The following KCNQ1 variants were observed in gnomAD, a reference collection of about 807,000 sequenced individuals.
The protein encoded by KCNQ1 is potassium voltage-gated channel subfamily Q member 1, also known as potassium voltage-gated channel subfamily KQT member 1.
In KCNQ1, 49 loss-of-function variants were observed where a neutral mutation model predicts 72.4. That is an observed-to-expected ratio of 0.68 (90% confidence interval 0.54 to 0.86). The LOEUF is 0.86. KCNQ1 is among the 40% of genes least tolerant of loss of function. The pLI is 0.00. For synonymous variants in KCNQ1, 450 were observed against 412.6 expected, an observed-to-expected ratio of 1.09 and a Z score of -1.10; for missense variants, 790 against 945.1, an observed-to-expected ratio of 0.84 and a Z score of 2.15.
chr11:2,720,712 G>A lies in KCNQ1; in HGVS notation c.1515-48132G>A, dbSNP rs192683748. 2.0e-5 allele frequency among the ~76,000 whole-genome samples: 3 copies of A among 152,272 alleles called. No individual in the cohort carries two copies. Among genetic ancestry groups the A allele is most frequent in the Admixed American group, 6.5e-5 (1 of 15,304 alleles). ...CAGCCCCTTCCCCCTTTTGCAGGGC[G>A]GCTCCCAGAACCTAGGAGTCCATGC... is the stretch of plus-strand genomic sequence containing the variant. On this transcript the variant is annotated intron_variant, in intron 11 of 15. Transcript: ENST00000155840. This position sits in a 1 kb window ranked among gnomAD's most constrained non-coding sequence, Gnocchi z 5.1.
chr11:2,802,785 T>G (rs1192629756), intron 15 of KCNQ1, among the ~76,000 whole-genome samples: 1 of 152,142 alleles, frequency 6.6e-6, no homozygotes, highest in Non-Finnish European at 1.5e-5. Context: ...CACTGCATGC[T>G]CCCAGCCCTT....
rs1849917273 is a variant in KCNQ1 at position 2,659,760 on chromosome 11, G to C, written c.1394-2201G>C. Reference sequence around the variant, plus strand: ...TGTTCCACATCCTCAAGAGTGGTTGGTATTGTCAGGTTTTGAATTTTTTTT... The same window carrying C: ...TGTTCCACATCCTCAAGAGTGGTTGCTATTGTCAGGTTTTGAATTTTTTTT... On this transcript the variant is annotated intron_variant, in intron 10 of 15. Coordinates refer to ENST00000155840, the MANE Select transcript of KCNQ1 (RefSeq NM_000218.3). The surrounding 1 kb of genome is among the most constrained non-coding windows in gnomAD (Gnocchi z 4.3). 7.5e-6 allele frequency: 3 copies of C among 398,214 alleles called. No homozygotes were observed. The highest frequency in any genetic ancestry group is 1.3e-5 in the Non-Finnish European group (3 of 225,980). The allele number at this position is 398,214 out of a possible 1,614,324, so 24.7% of individuals were successfully genotyped here. A position where few individuals can be genotyped will look rare whatever the true frequency, so the allele number is the denominator to read the frequency against.
chr11:2,798,904 A>C (rs1202556300), intron 15 of KCNQ1, among the ~76,000 whole-genome samples: 1 of 152,054 alleles, frequency 6.6e-6, no homozygotes, highest in Non-Finnish European at 1.5e-5. Context: ...GGGCTGGAGG[A>C]GCAGGAACAG....
At chr11:2,733,852 TCTCTC>T (rs1845904960) in intron 11 of KCNQ1, among the ~76,000 whole-genome samples, 1 of 31,606 alleles carries the variant, frequency 3.2e-5, no homozygotes, top group Non-Finnish European at 6.4e-5. Context: ...TCTCTCTCTC[TCTCTC>T]CCCCCCCACT....
rs536365662 is a variant in KCNQ1 at position 2,782,490 on chromosome 11, T to C, written c.1794+4453T>C. The stretch of plus-strand genomic sequence containing the variant: ...CTAACTTAAGAAGTGTTCCCTCTTT[T>C]CCTATATTGGGATATTTTGTATAAG... On this transcript the variant is annotated intron_variant, in intron 15 of 15. Transcript: ENST00000155840. This position sits in a 1 kb window ranked among gnomAD's most constrained non-coding sequence, Gnocchi z 6.1. Among the ~76,000 whole-genome samples, 78 of 152,352 alleles carry C rather than the reference T, an allele frequency of 5.1e-4. No individual in the cohort carries two copies. The highest frequency in any genetic ancestry group is 1.9e-3 in the African/African-American group (77 of 41,584).
At chr11:2,754,745 T>C (rs1000503320) in intron 11 of KCNQ1, among the ~76,000 whole-genome samples, 1 of 152,250 alleles carries the variant, frequency 6.6e-6, no homozygotes, top group African/African-American at 2.4e-5. Flanking sequence ...CTTAAAACTC[T>C]TACTGGATAA....
In KCNQ1 at chr11:2,544,256, ATATGTGTGTG is replaced by A. The variant is rs377093725; in HGVS notation, c.477+16240_477+16249del. On this transcript the variant is annotated intron_variant, in intron 2 of 15. Transcript: ENST00000155840. This position sits in a 1 kb window ranked among gnomAD's most constrained non-coding sequence, Gnocchi z 4.4. Reference sequence around the variant, plus strand: ...TATATATGTGTGTGTGTGTATATATATATGTGTGTGTGTGTATATATATGTGTATATATAT... The same window carrying A: ...TATATATGTGTGTGTGTGTATATATATGTGTATATATATGTGTATATATAT... Among the ~76,000 whole-genome samples, 3,773 of 143,356 alleles carry A rather than the reference ATATGTGTGTG, an allele frequency of 0.026. 92 individuals carry two copies. The highest frequency in any genetic ancestry group is 0.05 in the Admixed American group (719 of 14,416). The allele number at this position is 143,356 out of a possible 152,430, so 94.0% of individuals were successfully genotyped here.
chr11:2,651,340 TGA>T lies in KCNQ1; in HGVS notation c.1394-10615_1394-10614del. ...CACTCCTCAGAGTTCTACAAGCGGC[TGA>T]GAGAGCTGGGGTATTTATCTTTCAC... On this transcript the variant is annotated intron_variant, in intron 10 of 15. Coordinates refer to ENST00000155840, the MANE Select transcript of KCNQ1 (RefSeq NM_000218.3). This position sits in a 1 kb window ranked among gnomAD's most constrained non-coding sequence, Gnocchi z 6.1. The T allele has an allele frequency of 2.5e-6, 1 of 398,730 alleles. No homozygotes were observed. The highest frequency in any genetic ancestry group is 1.3e-4 in the South Asian group (1 of 7,856). The allele number at this position is 398,730 out of a possible 1,614,324, so 24.7% of individuals were successfully genotyped here.
intron 8 of KCNQ1, among the ~76,000 whole-genome samples, chr11:2,585,833 G>A (rs1461805609): frequency 6.6e-6 from 1 of 152,226 alleles, no homozygotes; most frequent in Non-Finnish European, 1.5e-5. Flanking sequence ...GAAAGGCAGA[G>A]CCCTGGAGCA....
At position 2,782,836 on chromosome 11, in the gene KCNQ1, C is replaced by T. The variant is rs772433265; in HGVS notation, c.1794+4799C>T. Among the ~76,000 whole-genome samples the T allele has an allele frequency of 1.3e-5, 2 of 152,184 alleles. No homozygotes were observed. Among genetic ancestry groups the T allele is most frequent in the Non-Finnish European group, 2.9e-5 (2 of 68,026 alleles). ...TTTCCCCCTTAGTGGTCAAACTTGA[C>T]ACTATTCCCCTGTCTTATTAAATGT... On this transcript the variant is annotated intron_variant, in intron 15 of 15. Coordinates refer to ENST00000155840, the MANE Select transcript of KCNQ1 (RefSeq NM_000218.3). The surrounding 1 kb of genome is among the most constrained non-coding windows in gnomAD (Gnocchi z 6.1).
intron 2 of KCNQ1, 44 bp downstream of exon 2, chr11:2,528,062 G>A (rs890443775): frequency 4.3e-5 from 65 of 1,519,320 alleles, no homozygotes; most frequent in Non-Finnish European, 5.6e-5. Context: ...TGGCTGCCTT[G>A]GAAGCTGGCA....
chr11:2,726,539 C>G (rs1217717606), intron 11 of KCNQ1, among the ~76,000 whole-genome samples: 1 of 152,172 alleles, frequency 6.6e-6, no homozygotes, highest in Non-Finnish European at 1.5e-5. Context: ...CCTGCCCCAC[C>G]ATGGCTGATG....
chr11:2,694,769 C>G (rs2133896358), intron 11 of KCNQ1: 1 of 398,354 alleles, frequency 2.5e-6, no homozygotes, highest in East Asian at 3.6e-5. Context: ...AAAAGCGTAG[C>G]CTGTGCTTTG....
chr11:2,558,650 C>G (rs1359083186), intron 2 of KCNQ1, among the ~76,000 whole-genome samples: 2 of 152,226 alleles, frequency 1.3e-5, no homozygotes, highest in African/African-American at 4.8e-5. Context: ...ACCCCGCCGG[C>G]TTGCGCAGCG....
rs1385111418 is a variant in KCNQ1 at position 2,602,518 on chromosome 11, C to A, written c.1393+13664C>A. Among the ~76,000 whole-genome samples, 1 of 152,186 alleles carries A rather than the reference C, an allele frequency of 6.6e-6. No homozygotes were observed. The highest frequency in any genetic ancestry group is 1.5e-5 in the Non-Finnish European group (1 of 68,036). Reference sequence around the variant, plus strand: ...AACTGATTTTCCAGAGTGACTGCACCATTTCACATTCCCCATTCCTGCCAG... The same window carrying A: ...AACTGATTTTCCAGAGTGACTGCACAATTTCACATTCCCCATTCCTGCCAG... On this transcript the variant is annotated intron_variant, in intron 10 of 15. Transcript: ENST00000155840. This position sits in a 1 kb window ranked among gnomAD's most constrained non-coding sequence, Gnocchi z 4.8.
intron 1 of KCNQ1, among the ~76,000 whole-genome samples, chr11:2,467,176 G>T (rs575825359): frequency 6.6e-6 from 1 of 152,306 alleles, no homozygotes; most frequent in Admixed American, 6.5e-5. Flanking sequence ...GAGGGCCAGG[G>T]TGCCTCTGCA....
chr11:2,692,084 G>A (rs1850597140), intron 11 of KCNQ1: 3 of 398,476 alleles, frequency 7.5e-6, no homozygotes, highest in Non-Finnish European at 1.3e-5. Context: ...CCAGTCACCT[G>A]CCCCCACCTC....
At chr11:2,554,879 A>G (rs1848045524) in intron 2 of KCNQ1, among the ~76,000 whole-genome samples, 1 of 152,184 alleles carries the variant, frequency 6.6e-6, no homozygotes, top group African/African-American at 2.4e-5. Context: ...CATTCCTGAA[A>G]GGGGGGGAAA....
rs543643945 is a variant in KCNQ1 at position 2,718,885 on chromosome 11, T to C, written c.1515-49959T>C. On this transcript the variant is annotated intron_variant, in intron 11 of 15. Transcript: ENST00000155840. The stretch of plus-strand genomic sequence containing the variant: ...CTGGGCCTGTAAGGGCCTTCATGTC[T>C]GCACCCTCCCTGCCATGCACCTTAA... 6.6e-5 allele frequency among the ~76,000 whole-genome samples: 10 copies of C among 152,362 alleles called. No individual in the cohort carries two copies. The South Asian group carries it at 2.1e-3, about 32-fold the overall frequency.
Sources: gnomAD v4.1 joint callset for allele counts (sites outside exome capture counted in the v4.1 genomes callset) on GRCh38, gnomAD v4.1.1 for gene constraint, Gnocchi (gnomAD v3.1) non-coding constraint, MANE v1.5 for transcripts, NCBI Gene and HGNC (gene_info 2026-07-23, HGNC 2026-07-21) for gene names.